The following GHR variants were observed in gnomAD, a reference collection of about 807,000 sequenced individuals.
GHR encodes the protein growth hormone receptor.
Under a neutral mutation model 67.1 loss-of-function variants are expected in GHR, and 35 were observed. The ratio of observed to expected loss-of-function variants is 0.52; its 90% CI spans 0.40 to 0.69. GHR has a LOEUF of 0.69. Ranked by LOEUF, GHR falls within the 30% of genes least tolerant of loss-of-function variation. The probability of loss-of-function intolerance (pLI) is 0.00; values close to 1 mark genes in which losing one functional copy is unlikely to be tolerated. For missense variants in GHR, 792 were observed against 764.6 expected (o/e 1.04, Z -0.42); for synonymous variants, 272 against 269.1 (o/e 1.01, Z -0.10).
chr5:42,712,503 AT>A (rs1182830745), intron 7 of GHR, among the ~76,000 whole-genome samples: 5 of 152,190 alleles, frequency 3.3e-5, no homozygotes, highest in African/African-American at 1.2e-4. Flanking sequence ...ACAAAAAATG[AT>A]TTTTTCTCCC....
chr5:42,443,587 TTTCCAGAGAAAC>T (rs1743675241), intron 1 of GHR, among the ~76,000 whole-genome samples: 1 of 151,860 alleles, frequency 6.6e-6, no homozygotes, highest in Non-Finnish European at 1.5e-5. Context: ...TGTATTAGGG[TTTCCAGAGAAAC>T]AGGACCAGTA....
chr5:42,623,114 CACTT>C (rs1753536414), intron 2 of GHR, among the ~76,000 whole-genome samples: 3 of 152,228 alleles, frequency 2.0e-5, no homozygotes, highest in Non-Finnish European at 2.9e-5. Flanking sequence ...GCATATATAA[CACTT>C]ACTTATCACT....
chr5:42,582,157 A>G (rs1271872274), intron 2 of GHR, among the ~76,000 whole-genome samples: 4 of 152,250 alleles, frequency 2.6e-5, no homozygotes, highest in African/African-American at 9.6e-5. Flanking sequence ...CTTGGCATGA[A>G]CAGCCTGGGT....
intron 2 of GHR, among the ~76,000 whole-genome samples, chr5:42,589,604 C>T (rs1751668100): frequency 6.6e-6 from 1 of 152,040 alleles, no homozygotes; most frequent in Non-Finnish European, 1.5e-5. Flanking sequence ...AAAAAATAGT[C>T]TATGGAATAT....
At chr5:42,470,616 C>T (rs922099833) in intron 1 of GHR, among the ~76,000 whole-genome samples, 1 of 152,184 alleles carries the variant, frequency 6.6e-6, no homozygotes, top group African/African-American at 2.4e-5. Flanking sequence ...CTAATCACCA[C>T]AAGATCCTTC....
At chr5:42,610,556 AAT>A (rs1190276414) in intron 2 of GHR, among the ~76,000 whole-genome samples, 2 of 152,148 alleles carry the variant, frequency 1.3e-5, no homozygotes, top group Admixed American at 1.3e-4. Flanking sequence ...TTCACTGGGA[AAT>A]TAGATGTGCA....
chr5:42,636,497 C>T (rs1305594562), intron 3 of GHR, among the ~76,000 whole-genome samples: 2 of 152,064 alleles, frequency 1.3e-5, no homozygotes, highest in Non-Finnish European at 2.9e-5. Flanking sequence ...GCTTGTAGCC[C>T]ACTGATTTGC....
intron 1 of GHR, among the ~76,000 whole-genome samples, chr5:42,522,271 A>T (rs558977761): frequency 9.2e-5 from 14 of 152,204 alleles, no homozygotes; most frequent in Non-Finnish European, 1.3e-4. Flanking sequence ...TATCAAAAAA[A>T]TTTTTCTCAT....
At chr5:42,568,197 C>A (rs1370469904) in intron 2 of GHR, among the ~76,000 whole-genome samples, 2 of 151,888 alleles carry the variant, frequency 1.3e-5, no homozygotes, top group South Asian at 4.2e-4. Flanking sequence ...GGCAGATGAG[C>A]AATTAGAAAT....
chr5:42,468,236 G>A (rs1744825092), intron 1 of GHR: 1 of 1,537,500 alleles, frequency 6.5e-7, no homozygotes, highest in South Asian at 1.1e-5. Context: ...GCCTGATCTG[G>A]GAAGTTTTCT....
intron 1 of GHR, among the ~76,000 whole-genome samples, chr5:42,474,230 AAAG>A (rs1301143075): frequency 2.1e-5 from 3 of 143,558 alleles, no homozygotes; most frequent in Non-Finnish European, 3.0e-5. Flanking sequence ...AGAGAAAGAA[AAAG>A]AAAGAAAGAG....
intron 1 of GHR, among the ~76,000 whole-genome samples, chr5:42,492,196 T>C (rs1017358685): frequency 1.6e-4 from 25 of 152,172 alleles, no homozygotes; most frequent in Admixed American, 1.2e-3. Context: ...AACTACTAGA[T>C]TGTGACCTTG....
intron 1 of GHR, among the ~76,000 whole-genome samples, chr5:42,448,433 G>C (rs1425949821): frequency 2.0e-5 from 3 of 151,796 alleles, no homozygotes; most frequent in Admixed American, 6.6e-5. Context: ...CCCACTTTTT[G>C]ATGGGATTAT....
chr5:42,509,996 G>A (rs1746942707), intron 1 of GHR, among the ~76,000 whole-genome samples: 1 of 152,156 alleles, frequency 6.6e-6, no homozygotes. Context: ...CTACCTAGCT[G>A]GCATTTCCAC....
intron 1 of GHR, among the ~76,000 whole-genome samples, chr5:42,444,362 G>T (rs1743718541): frequency 6.6e-6 from 1 of 152,182 alleles, no homozygotes; most frequent in African/African-American, 2.4e-5. Flanking sequence ...GTAGTAAAAA[G>T]CCATGAGCAG....
At chr5:42,584,556 TCCC>T (rs1751371052) in intron 2 of GHR, among the ~76,000 whole-genome samples, 1 of 152,196 alleles carries the variant, frequency 6.6e-6, no homozygotes, top group Non-Finnish European at 1.5e-5. Flanking sequence ...GTGTGTGTCT[TCCC>T]CCACAGCATT....
At chr5:42,636,506 G>A (rs76435264) in intron 3 of GHR, among the ~76,000 whole-genome samples, 5,400 of 152,184 alleles carry the variant, frequency 0.035, 138 homozygotes, top group Middle Eastern at 0.095. Flanking sequence ...CCACTGATTT[G>A]CTGCTTAATT....
intron 6 of GHR, among the ~76,000 whole-genome samples, chr5:42,706,572 T>G (rs1243432754): frequency 6.6e-6 from 1 of 152,200 alleles, no homozygotes; most frequent in African/African-American, 2.4e-5. Flanking sequence ...TCGTACATGT[T>G]GAAAGGAAGG....
In GHR at chr5:42,718,684, G is replaced by A. The variant is rs1758851255; in HGVS notation, c.1177G>A (p.Asp393Asn). The A allele has an allele frequency of 6.2e-7, 1 of 1,614,086 alleles. No individual in the cohort carries two copies. The highest frequency in any genetic ancestry group is 1.7e-5 in the Admixed American group (1 of 60,008). The change falls in exon 10 of 10, where the codon GAC becomes AAC. Residue 393 changes from aspartate (D) to asparagine (N), a missense_variant. Coordinates refer to ENST00000230882, the MANE Select transcript of GHR (RefSeq NM_000163.5). ...TGGACGTACCAGCTGTTGTGAACCTGACATTCTGGAGACTGATTTCAATGC... is the reference window on the plus strand; with the variant it reads ...TGGACGTACCAGCTGTTGTGAACCTAACATTCTGGAGACTGATTTCAATGC... ...DSGRTSCCEP[D>N]ILETDFNAND... is the part of the protein sequence containing the mutation.
Sources: allele counts gnomAD v4.1 joint callset (sites outside exome capture counted in the v4.1 genomes callset), GRCh38; gene constraint gnomAD v4.1.1; transcripts MANE v1.5; gene names NCBI Gene and HGNC (gene_info 2026-07-23, HGNC 2026-07-21).